Variants in SHISA9 observed in about 807,000 individuals in gnomAD.
SHISA9 encodes shisa family member 9.
In SHISA9, 13 loss-of-function variants were observed where a neutral mutation model predicts 38.0. The ratio of observed to expected loss-of-function variants is 0.34; its 90% confidence interval spans 0.22 to 0.54. The LOEUF (loss-of-function observed/expected upper bound fraction) is 0.54. Ranked by LOEUF, SHISA9 falls within the 20% of genes least tolerant of loss-of-function variation. SHISA9 has a pLI of 0.91. For synonymous variants in SHISA9, 275 were observed against 242.0 expected (o/e 1.14, Z -1.27); for missense variants, 538 against 575.8 (o/e 0.93, Z 0.67).
intron 2 of SHISA9, among the ~76,000 whole-genome samples, chr16:13,017,029 T>C (rs2072765836): frequency 6.6e-6 from 1 of 151,772 alleles, no homozygotes; most frequent in Non-Finnish European, 1.5e-5. Context: ...TTCTTTCTTT[T>C]TTTTTTTTGA....
the SHISA9 span, among the ~76,000 whole-genome samples, chr16:13,468,313 G>C: frequency 4.6e-5 from 7 of 152,148 alleles, no homozygotes; most frequent in South Asian, 2.1e-4. Flanking sequence ...CCCAGGGAGA[G>C]GGGCAGGGAG....
At chr16:12,989,333 C>G (rs564497242) in intron 2 of SHISA9, among the ~76,000 whole-genome samples, 16 of 151,966 alleles carry the variant, frequency 1.1e-4, no homozygotes, top group Non-Finnish European at 1.5e-4. Context: ...GTGCACCACC[C>G]TGCCTGGCTA....
At chr16:13,384,191 C>T in the SHISA9 span, among the ~76,000 whole-genome samples, 2,051 of 152,114 alleles carry the variant, frequency 0.013, 30 homozygotes, top group Non-Finnish European at 0.022. Flanking sequence ...TAATAAGTTT[C>T]GAAAAATTCA....
At chr16:13,535,622 A>G in the SHISA9 span, among the ~76,000 whole-genome samples, 1 of 152,160 alleles carries the variant, frequency 6.6e-6, no homozygotes, top group Non-Finnish European at 1.5e-5. Flanking sequence ...TAAAATTCTT[A>G]CTGTTTGGCT....
the SHISA9 span, among the ~76,000 whole-genome samples, chr16:13,279,577 C>A: frequency 3.7e-4 from 56 of 151,900 alleles, no homozygotes; most frequent in African/African-American, 1.3e-3. Flanking sequence ...TGCATATGAT[C>A]TACTTTTGTG....
the SHISA9 span, among the ~76,000 whole-genome samples, chr16:13,403,926 G>A: frequency 6.6e-6 from 1 of 152,140 alleles, no homozygotes; most frequent in Non-Finnish European, 1.5e-5. Context: ...TGATGTTTGG[G>A]TGGGTCCTCT....
At chr16:13,405,299 A>C in the SHISA9 span, among the ~76,000 whole-genome samples, 1 of 152,120 alleles carries the variant, frequency 6.6e-6, no homozygotes, top group Non-Finnish European at 1.5e-5. Context: ...CCTTAATTAC[A>C]TGGGACCACA....
rs1254450660 is a variant in SHISA9 at position 13,203,587 on chromosome 16, C to G, written c.847+38C>G. ...TGATGGATCTTTTTCTCTTTCTCCT[C>G]TTCGCTCTCCTTTGCTGCTTCTTGT... On this transcript the variant is annotated intron_variant, in intron 3 of 4. Coordinates refer to ENST00000558583, the MANE Select transcript of SHISA9 (RefSeq NM_001145204.3). 6.3e-6 allele frequency: 9 copies of G among 1,433,266 alleles called. No homozygotes were observed. In the East Asian group the frequency reaches 2.4e-4, roughly 38 times the overall value. 88.8% of individuals were successfully genotyped at this position (1,433,266 alleles called of 1,614,324 possible). A position where few individuals can be genotyped will look rare whatever the true frequency, so the allele number is the denominator to read the frequency against.
At chr16:12,902,835 CGTGTGTGTGTGAGCGTGTGTGT>C (rs2071038024) in intron 1 of SHISA9, 4 of 584,126 alleles carry the variant, frequency 6.8e-6, no homozygotes, top group South Asian at 6.1e-5. Flanking sequence ...TGAGCGTGTT[CGTGTGTGTGTGAGCGTGTGTGT>C]GTGTGTGTGT....
chr16:13,530,973 C>G, the SHISA9 span, among the ~76,000 whole-genome samples: 3 of 152,190 alleles, frequency 2.0e-5, no homozygotes, highest in Non-Finnish European at 4.4e-5. Context: ...ATGCCTGGGA[C>G]TATTTCACCC....
At position 13,060,927 on chromosome 16, in the gene SHISA9, G is replaced by C. The variant is rs1697475; in HGVS notation, c.692-142467G>C. ...CCCTTGCTTCTTCCTAGTCCAAAAA[G>C]ACTGAGGGCCGCATGGGGTCATACT... On this transcript the variant is annotated intron_variant, in intron 2 of 4. Coordinates refer to ENST00000558583, the MANE Select transcript of SHISA9 (RefSeq NM_001145204.3). Among the ~76,000 whole-genome samples, 180 of 152,256 alleles carry C rather than the reference G, an allele frequency of 1.2e-3. 1 individual carries two copies. The highest frequency in any genetic ancestry group is 8.8e-5 in the Non-Finnish European group (6 of 68,032).
At chr16:13,356,263 G>C in the SHISA9 span, among the ~76,000 whole-genome samples, 5 of 152,280 alleles carry the variant, frequency 3.3e-5, no homozygotes, top group Non-Finnish European at 1.5e-5. Flanking sequence ...GAGCAGATTG[G>C]GTAATAAAAT....
At chr16:13,148,558 C>G (rs1175033034) in intron 2 of SHISA9, among the ~76,000 whole-genome samples, 2 of 152,234 alleles carry the variant, frequency 1.3e-5, no homozygotes, top group East Asian at 3.9e-4. Context: ...CACATTCACT[C>G]TATATCTATT....
At chr16:13,557,361 G>A in the SHISA9 span, among the ~76,000 whole-genome samples, 1 of 152,124 alleles carries the variant, frequency 6.6e-6, no homozygotes, top group Non-Finnish European at 1.5e-5. Flanking sequence ...GTCTGAAAAA[G>A]GTATTTGCCT....
chr16:12,910,401 T>C, intron 1 of SHISA9: 2 of 918,254 alleles, frequency 2.2e-6, no homozygotes, highest in East Asian at 1.2e-4. Flanking sequence ...CCATGAATAG[T>C]ACAAAAGCAA....
At chr16:12,964,119 A>G (rs2071947356) in intron 2 of SHISA9, among the ~76,000 whole-genome samples, 1 of 152,236 alleles carries the variant, frequency 6.6e-6, no homozygotes, top group Non-Finnish European at 1.5e-5. Context: ...TGTTCTGAAT[A>G]TGTTAAGAAT....
chr16:13,304,543 C>T, the SHISA9 span, among the ~76,000 whole-genome samples: 1 of 152,158 alleles, frequency 6.6e-6, no homozygotes, highest in African/African-American at 2.4e-5. Context: ...CAGATGTGAG[C>T]CACTGTGCCT....
the SHISA9 span, among the ~76,000 whole-genome samples, chr16:13,411,157 T>C: frequency 7.9e-5 from 12 of 152,218 alleles, no homozygotes; most frequent in African/African-American, 2.7e-4. Flanking sequence ...TAACTTGATG[T>C]GGCTGGTAAG....
At chr16:13,470,399 G>C in the SHISA9 span, among the ~76,000 whole-genome samples, 1 of 152,196 alleles carries the variant, frequency 6.6e-6, no homozygotes, top group Admixed American at 6.5e-5. Context: ...AGACTGGGTA[G>C]TTTATGAAGG....
Sources: gnomAD v4.1 joint callset for allele counts (sites outside exome capture counted in the v4.1 genomes callset) on GRCh38, gnomAD v4.1.1 for gene constraint, MANE v1.5 for transcripts, NCBI Gene and HGNC (gene_info 2026-07-23, HGNC 2026-07-21) for gene names.